Variants in UGT1A5 observed in about 807,000 individuals in gnomAD.
The protein encoded by UGT1A5 is UDP glucuronosyltransferase family 1 member A5.
Under a neutral mutation model 40.3 loss-of-function variants are expected in UGT1A5, and 29 were observed. The ratio of observed to expected loss-of-function variants is 0.72; its 90% CI spans 0.54 to 0.98. UGT1A5 has a LOEUF of 0.98. Ranked by LOEUF, UGT1A5 falls within the 50% of genes least tolerant of loss-of-function variation. The pLI is 0.00. For synonymous variants in UGT1A5, 257 were observed against 262.5 expected (o/e 0.98, Z 0.20); for missense variants, 678 against 677.9 (o/e 1.00, Z 0.00).
Position 233,754,563 on chromosome 2 carries a change from C to T in UGT1A5, c.868-12471C>T, listed in dbSNP as rs1133493. 9 of 399,474 alleles carry T rather than the reference C, an allele frequency of 2.3e-5. No homozygotes were observed. The East Asian group carries it at 2.9e-4, about 13-fold the overall frequency. 24.7% of individuals were successfully genotyped at this position (399,474 alleles called of 1,614,324 possible). On this transcript the variant is annotated intron_variant, in intron 1 of 4. Transcript: ENST00000373414. ...GGAATTACTTGGTGTCAATGGGGAG[C>T]AACTGCTCTATGCCGTTTATTATGA... is the stretch of plus-strand genomic sequence containing the variant.
intron 1 of UGT1A5, among the ~76,000 whole-genome samples, chr2:233,728,866 T>C (rs1366541445): frequency 6.6e-6 from 1 of 152,200 alleles, no homozygotes; most frequent in African/African-American, 2.4e-5. Context: ...AACAAGAGCT[T>C]GAACTTGGAT....
intron 1 of UGT1A5, chr2:233,753,671 C>T (rs1245281633): frequency 2.0e-5 from 3 of 152,212 alleles, no homozygotes; most frequent in Admixed American, 6.5e-5. Flanking sequence ...GTGTATGGTG[C>T]CTCACCCAAA....
In UGT1A5 at chr2:233,714,646, G is replaced by T. The variant is rs2076402815; in HGVS notation, c.867+788G>T. On this transcript the variant is annotated intron_variant, in intron 1 of 4. Transcript: ENST00000373414. ...AACCACTAAAATTAATGTGAATAAT[G>T]CATTTTATTTAACCAGATGTATCCC... 2.0e-5 allele frequency among the ~76,000 whole-genome samples: 3 copies of T among 152,178 alleles called. No individual in the cohort carries two copies. In the South Asian group the frequency reaches 6.2e-4, roughly 32 times the overall value.
chr2:233,732,918 G>A (rs1288769205), intron 1 of UGT1A5, among the ~76,000 whole-genome samples: 3 of 151,996 alleles, frequency 2.0e-5, no homozygotes, highest in Non-Finnish European at 2.9e-5. Flanking sequence ...CCATTTTCAC[G>A]ATATTGATTC....
At chr2:233,728,979 T>C (rs55781538) in intron 1 of UGT1A5, 30,148 of 1,500,164 alleles carry the variant, frequency 0.02, 353 homozygotes, top group Non-Finnish European at 0.023. Context: ...AGATTAATGG[T>C]TAATAATTAA....
intron 4 of UGT1A5, among the ~76,000 whole-genome samples, chr2:233,772,038 A>G (rs892272267): frequency 1.3e-5 from 2 of 152,202 alleles, no homozygotes; most frequent in African/African-American, 4.8e-5. Flanking sequence ...GCTTGAGCCC[A>G]GGAGTTGGAG....
At chr2:233,722,627 C>T (rs571426683) in intron 1 of UGT1A5, among the ~76,000 whole-genome samples, 9 of 152,238 alleles carry the variant, frequency 5.9e-5, no homozygotes, top group African/African-American at 2.2e-4. Flanking sequence ...CTTAATGAAG[C>T]ATTGAGGGCT....
chr2:233,720,831 G>A (rs1315551380), intron 1 of UGT1A5, among the ~76,000 whole-genome samples: 2 of 150,572 alleles, frequency 1.3e-5, no homozygotes, highest in African/African-American at 2.4e-5. Context: ...TCAGTCTCCT[G>A]AGTAACTGGG....
intron 1 of UGT1A5, among the ~76,000 whole-genome samples, chr2:233,728,046 T>C (rs537522155): frequency 1.8e-4 from 28 of 152,360 alleles, no homozygotes; most frequent in Admixed American, 3.9e-4. Flanking sequence ...ATAAGCCTCA[T>C]TGGGCTTGAG....
At chr2:233,731,044 G>A (rs190874066) in intron 1 of UGT1A5, among the ~76,000 whole-genome samples, 22 of 152,218 alleles carry the variant, frequency 1.4e-4, no homozygotes, top group African/African-American at 3.4e-4. Context: ...CATATTCACC[G>A]AATGTGTATG....
chr2:233,724,474 C>G, intron 1 of UGT1A5, among the ~76,000 whole-genome samples: 1 of 78,814 alleles, frequency 1.3e-5, no homozygotes, highest in East Asian at 2.8e-4. Flanking sequence ...GGGCTCCTCA[C>G]TTCTCAGACG....
At position 233,769,464 on chromosome 2, in the gene UGT1A5, C is replaced by CGTGT; in HGVS notation, c.1307+1037_1307+1040dup. The CGTGT allele has an allele frequency of 2.0e-6, 3 of 1,503,202 alleles. No individual in the cohort carries two copies. The highest frequency in any genetic ancestry group is 2.4e-5 in the South Asian group (2 of 84,104). The allele number at this position is 1,503,202 out of a possible 1,614,324, so 93.1% of individuals were successfully genotyped here. On this transcript the variant is annotated intron_variant, in intron 4 of 4. Transcript: ENST00000373414. The surrounding 1 kb of genome is among the most constrained non-coding windows in gnomAD (Gnocchi z 4.4). ...GGGTGCACACGTGTGCATTCATATG[C>CGTGT]GTGTGTGTGTGTGTGCGTGTGTTTA...
Position 233,760,648 on chromosome 2 carries a change from G to C in UGT1A5, c.868-6386G>C, listed in dbSNP as rs1697515818. The C allele has an allele frequency of 6.2e-7, 1 of 1,614,206 alleles. No homozygotes were observed. Among genetic ancestry groups the C allele is most frequent in the African/African-American group, 1.3e-5 (1 of 75,044 alleles). On this transcript the variant is annotated intron_variant, in intron 1 of 4. Coordinates refer to ENST00000373414, the MANE Select transcript of UGT1A5 (RefSeq NM_019078.2). ...ATACAAGAAAATAAAAAAGGACTCT[G>C]CTATGCTTTTGTCTGGCTGTTCCCA...
At chr2:233,729,782 C>T (rs764191993) in intron 1 of UGT1A5, 4 of 1,613,938 alleles carry the variant, frequency 2.5e-6, no homozygotes, top group Non-Finnish European at 2.5e-6. Flanking sequence ...TACCCTCTGG[C>T]CCTGTCCTAC....
At chr2:233,762,292 A>G (rs1037418079) in intron 1 of UGT1A5, among the ~76,000 whole-genome samples, 1 of 152,236 alleles carries the variant, frequency 6.6e-6, no homozygotes, top group Non-Finnish European at 1.5e-5. Context: ...GAAAGGTGCC[A>G]ACCGAGGTCT....
chr2:233,772,961 T>C lies in UGT1A5; in HGVS notation c.*402T>C, dbSNP rs1575872902. On this transcript the variant is annotated 3_prime_UTR_variant, in exon 5 of 5. Transcript: ENST00000373414. The stretch of plus-strand genomic sequence containing the variant: ...TTTGGCTTCTGCAGATGGTTGCAAT[T>C]GATCCTTAACCAATAATGGTCAGTC... 2 of 315,806 alleles carry C rather than the reference T, an allele frequency of 6.3e-6. No homozygotes were observed. Among genetic ancestry groups the C allele is most frequent in the East Asian group, 1.6e-4 (2 of 12,236 alleles). 19.6% of individuals were successfully genotyped at this position (315,806 alleles called of 1,614,324 possible).
intron 1 of UGT1A5, chr2:233,718,800 C>T (rs779656703): frequency 5.0e-6 from 8 of 1,613,106 alleles, no homozygotes; most frequent in African/African-American, 4.0e-5. Context: ...GGACAGTCAG[C>T]TGTCGGTGGC....
intron 1 of UGT1A5, among the ~76,000 whole-genome samples, chr2:233,728,414 C>A (rs186918599): frequency 1.4e-4 from 22 of 152,310 alleles, no homozygotes; most frequent in African/African-American, 4.8e-4. Flanking sequence ...CTTTAGATAG[C>A]AGCACCTCTT....
Position 233,713,299 on chromosome 2 carries a change from C to T in UGT1A5, c.308C>T (p.Thr103Ile). The T allele has an allele frequency of 1.2e-6, 2 of 1,614,232 alleles. No individual in the cohort carries two copies. The highest frequency in any genetic ancestry group is 1.7e-6 in the Non-Finnish European group (2 of 1,180,046). Residue 103 changes from threonine (T) to isoleucine (I), a missense_variant, in exon 1 of 5, where the codon ACA (threonine) becomes ATA (isoleucine). By Grantham distance (89) the Thr-to-Ile change is moderately conservative. Coordinates refer to ENST00000373414, the MANE Select transcript of UGT1A5 (RefSeq NM_019078.2). The part of the protein sequence containing the change: ...LLGHTQSFFE[T>I]EHLLMKFSRR... The stretch of plus-strand genomic sequence containing the variant: ...GGTCACACTCAATCGTTCTTTGAAA[C>T]AGAACATCTTCTGATGAAATTTTCT...
Sources: allele counts gnomAD v4.1 joint callset (sites outside exome capture counted in the v4.1 genomes callset), GRCh38; gene constraint gnomAD v4.1.1; non-coding constraint Gnocchi (gnomAD v3.1); transcripts MANE v1.5; gene names NCBI Gene and HGNC (gene_info 2026-07-23, HGNC 2026-07-21).